NARS1: variants seen among roughly 807,000 people sequenced by gnomAD.
NARS1 encodes the protein asparaginyl-tRNA synthetase 1.
NARS1 carries 65 observed loss-of-function variants against 79.2 expected under a neutral mutation model. The observed-to-expected ratio is 0.82, with a 90% CI of 0.67 to 1.01. The LOEUF (loss-of-function observed/expected upper bound fraction) is 1.01. Ranked by LOEUF, NARS1 falls within the 50% of genes least tolerant of loss-of-function variation. The probability of loss-of-function intolerance (pLI) is 0.00; values close to 1 mark genes in which losing one functional copy is unlikely to be tolerated. For synonymous variants in NARS1, 229 were observed against 238.8 expected, an observed-to-expected ratio of 0.96 and a Z score of 0.38; for missense variants, 649 against 673.8, an observed-to-expected ratio of 0.96 and a Z score of 0.41.
Position 57,601,635 on chromosome 18 carries a change from G to A in NARS1, c.*17C>T, listed in dbSNP as rs374792914. 1.7e-4 allele frequency: 269 copies of A among 1,610,316 alleles called. 1 individual carries two copies. Among genetic ancestry groups the A allele is most frequent in the South Asian group, 1.3e-3 (120 of 90,812 alleles). ...GTTCCTTTCATAATCTTTCCTCCAC[G>A]CTTCTGGAGAAAATGGTTATGGCGT... On this transcript the variant is annotated 3_prime_UTR_variant, in exon 14 of 14. Transcript: ENST00000256854.
chr18:57,618,097 T>A (rs12970772), intron 2 of NARS1, among the ~76,000 whole-genome samples: 5 of 148,482 alleles, frequency 3.4e-5, no homozygotes, highest in African/African-American at 1.2e-4. Context: ...GCCAACACGG[T>A]GAAACACCAT....
chr18:57,606,747 T>A lies in NARS1; in HGVS notation c.1006A>T (p.Thr336Ser), dbSNP rs772079688. 6.2e-7 allele frequency: 1 copy of A among 1,613,974 alleles called. No individual in the cohort carries two copies. The highest frequency in any genetic ancestry group is 1.3e-5 in the African/African-American group (1 of 74,900). Residue 336 changes from threonine (T) to serine (S), a missense_variant, in exon 10 of 14, where the codon ACT (threonine) becomes TCT (serine). Thr to Ser is a moderately conservative substitution (Grantham distance 58, BLOSUM62 1). Coordinates refer to ENST00000256854, the MANE Select transcript of NARS1 (RefSeq NM_004539.4). The part of the protein sequence containing the change: ...SRTRRHLAEY[T>S]HVEAECPFLT... ...AAAGGACACTCAGCTTCCACGTGAG[T>A]GTACCTGAAGAACGAGACAATAGCT...
chr18:57,606,659 A>T lies in NARS1; in HGVS notation c.1094T>A (p.Ile365Lys). 1 of 1,614,122 alleles carries T rather than the reference A, an allele frequency of 6.2e-7. No individual in the cohort carries two copies. The highest frequency in any genetic ancestry group is 8.5e-7 in the Non-Finnish European group (1 of 1,180,002). Residue 365 changes from isoleucine (I) to lysine (K), a missense_variant, in exon 10 of 14, where the codon ATA becomes AAA. Transcript: ENST00000256854. ...TATGCTCCCTGCAGGTGACTTCAAT[A>T]TTCGATCTACCACATCACAAACCAA... ...EDLVCDVVDR[I>K]LKSPAGSIVH...
At chr18:57,606,903 A>C in intron 9 of NARS1, 152 bp from the exon 10 acceptor site, 2 of 990,512 alleles carry the variant, frequency 2.0e-6, no homozygotes, top group Non-Finnish European at 2.9e-6. Flanking sequence ...CCTCTTCTCC[A>C]CTGAGTAGCA....
At chr18:57,603,213 T>TCA (rs1555683326) in intron 11 of NARS1, among the ~76,000 whole-genome samples, 1 of 143,336 alleles carries the variant, frequency 7.0e-6, no homozygotes, top group Non-Finnish European at 1.5e-5. Context: ...TGAAGGAAAA[T>TCA]AAAAAAAAAA....
chr18:57,621,770 G>T lies in NARS1; in HGVS notation c.-53C>A. On this transcript the variant is annotated 5_prime_UTR_variant, in exon 1 of 14. Transcript: ENST00000256854. Reference sequence around the variant, plus strand: ...GGACACAGACTGCAACACCGACGCCGTCTTATGACTCCAACGTGCACCGGC... The same window carrying T: ...GGACACAGACTGCAACACCGACGCCTTCTTATGACTCCAACGTGCACCGGC... 1 of 1,613,246 alleles carries T rather than the reference G, an allele frequency of 6.2e-7. No homozygotes were observed. The highest frequency in any genetic ancestry group is 8.5e-7 in the Non-Finnish European group (1 of 1,179,856).
At position 57,605,134 on chromosome 18, in the gene NARS1, AATAT is replaced by A. The variant is rs1555683460; in HGVS notation, c.1251+719_1251+722del. On this transcript the variant is annotated intron_variant, in intron 11 of 13. Transcript: ENST00000256854. ...ATACATTCTCCAGAAAAAAAAAAAA[AATAT>A]ATATATATATATATATCTATATACC... Among the ~76,000 whole-genome samples, 13 of 135,194 alleles carry A rather than the reference AATAT, an allele frequency of 9.6e-5. 1 individual carries two copies. In the East Asian group the frequency reaches 1.2e-3, roughly 13 times the overall value. The allele number at this position is 135,194 out of a possible 152,430, so 88.7% of individuals were successfully genotyped here.
intron 11 of NARS1, among the ~76,000 whole-genome samples, chr18:57,605,624 A>AG (rs974436117): frequency 5.9e-5 from 9 of 151,398 alleles, no homozygotes; most frequent in Admixed American, 3.9e-4. Context: ...AAAAAAAAAA[A>AG]AAAAGAAAAA....
intron 11 of NARS1, among the ~76,000 whole-genome samples, chr18:57,605,479 C>T (rs749569470): frequency 1.3e-5 from 2 of 151,852 alleles, no homozygotes; most frequent in East Asian, 1.9e-4. Context: ...TGGTGGTGTG[C>T]GCCTGTAGTC....
intron 1 of NARS1, among the ~76,000 whole-genome samples, chr18:57,621,410 G>A (rs1254285452): frequency 6.6e-6 from 1 of 152,160 alleles, no homozygotes; most frequent in Non-Finnish European, 1.5e-5. Flanking sequence ...GTCTGAACCC[G>A]TCCCAGCGCC....
chr18:57,608,487 GA>G (rs2051580459), intron 7 of NARS1, among the ~76,000 whole-genome samples: 1 of 122,122 alleles, frequency 8.2e-6, no homozygotes, highest in Non-Finnish European at 1.8e-5. Context: ...ATTCTAATAA[GA>G]AATTCTCTGA....
At chr18:57,616,303 C>T (rs992705532) in intron 2 of NARS1, among the ~76,000 whole-genome samples, 10 of 151,976 alleles carry the variant, frequency 6.6e-5, no homozygotes, top group African/African-American at 2.4e-4. Context: ...ACCTGTAGTC[C>T]CAGCTACTCG....
At chr18:57,615,520 A>G (rs1311776184) in intron 4 of NARS1, 121 bp downstream of exon 4, 1 of 662,668 alleles carries the variant, frequency 1.5e-6, no homozygotes, top group Non-Finnish European at 2.5e-6. Flanking sequence ...ATAAATAAAT[A>G]AATAAATGGA....
intron 1 of NARS1, among the ~76,000 whole-genome samples, chr18:57,621,412 C>T (rs1908296557): frequency 6.6e-6 from 1 of 152,212 alleles, no homozygotes; most frequent in African/African-American, 2.4e-5. Flanking sequence ...CTGAACCCGT[C>T]CCAGCGCCTG....
chr18:57,619,779 T>A (rs1908226202), intron 2 of NARS1, among the ~76,000 whole-genome samples: 2 of 152,134 alleles, frequency 1.3e-5, no homozygotes, highest in Non-Finnish European at 2.9e-5. Context: ...AACCTCCACC[T>A]TCCAGGCTAA....
At chr18:57,613,876 C>T (rs1248882169) in intron 4 of NARS1, among the ~76,000 whole-genome samples, 196 bp from the exon 5 acceptor site, 1 of 152,162 alleles carries the variant, frequency 6.6e-6, no homozygotes, top group Non-Finnish European at 1.5e-5. Flanking sequence ...AAAAAAAAAT[C>T]CAAGTCTTCT....
At chr18:57,612,637 T>C (rs1313447881) in intron 5 of NARS1, among the ~76,000 whole-genome samples, 1 of 152,198 alleles carries the variant, frequency 6.6e-6, no homozygotes, top group Admixed American at 6.5e-5. Context: ...GGTTTCACCA[T>C]GTTGGCCAGG....
At chr18:57,602,737 G>T in intron 12 of NARS1, 75 bp downstream of exon 12, 1 of 1,512,792 alleles carries the variant, frequency 6.6e-7, no homozygotes, top group Non-Finnish European at 9.0e-7. Context: ...GGCATGAGCT[G>T]TACCTGATTC....
intron 5 of NARS1, 73 bp from the exon 6 acceptor site, chr18:57,611,780 A>G: frequency 1.2e-6 from 1 of 803,812 alleles, no homozygotes. Flanking sequence ...ATATAATTTT[A>G]AAGATAGGGT....
Sources: gnomAD v4.1 joint callset for allele counts (sites outside exome capture counted in the v4.1 genomes callset) on GRCh38, gnomAD v4.1.1 for gene constraint, MANE v1.5 for transcripts, NCBI Gene and HGNC (gene_info 2026-07-23, HGNC 2026-07-21) for gene names.